SETD4: variants seen among roughly 807,000 people sequenced by gnomAD.
SETD4 encodes SET domain containing 4.
SETD4 carries 46 observed loss-of-function variants against 58.3 expected under a neutral mutation model. The observed-to-expected ratio is 0.79, with a 90% confidence interval of 0.62 to 1.01. The LOEUF (loss-of-function observed/expected upper bound fraction) is 1.01, where lower values mean the gene tolerates loss of function less well. SETD4 is among the 50% of genes least tolerant of loss of function. The pLI is 0.00. For missense variants in SETD4, 490 were observed against 523.3 expected (o/e 0.94, Z 0.62); for synonymous variants, 190 against 202.6 (o/e 0.94, Z 0.53).
rs751127123 is a variant in SETD4, at chr21:36,045,698, C to T, written c.610G>A (p.Val204Ile). The T allele has an allele frequency of 6.8e-6, 11 of 1,614,052 alleles. No homozygotes were observed. The highest frequency in any genetic ancestry group is 5.0e-5 in the Admixed American group (3 of 60,004). Residue 204 changes from valine to isoleucine, a missense_variant, in exon 6 of 12, where the codon GTC becomes ATC. Transcript: ENST00000332131. The stretch of plus-strand genomic sequence containing the variant: ...CTCAGGTACACGGCTCTGGTGTTGA[C>T]GGTGCACCAAGCCCACAGCAGGGCA... ...YSALLWAWCT[V>I]NTRAVYLRPR...
Position 36,034,939 on chromosome 21 carries a change from G to C in SETD4, c.*1054C>G, listed in dbSNP as rs1273146794. ...CAAAGTGTATATACAAACAGGGAAAGATGTTCAAGAAATCATGAGAAAGTT... is the reference window on the plus strand; with the variant it reads ...CAAAGTGTATATACAAACAGGGAAACATGTTCAAGAAATCATGAGAAAGTT... On this transcript the variant is annotated 3_prime_UTR_variant, in exon 12 of 12. Transcript: ENST00000332131. 1 of 152,226 alleles carries C rather than the reference G, an allele frequency of 6.6e-6. No homozygotes were observed. Among genetic ancestry groups the C allele is most frequent in the East Asian group, 1.9e-4 (1 of 5,196 alleles). The allele number at this position is 152,226 out of a possible 1,614,324, so 9.4% of individuals were successfully genotyped here.
Position 36,060,358 on chromosome 21 carries a change from C to T in SETD4, c.-48G>A, listed in dbSNP as rs768109198. The T allele has an allele frequency of 1.9e-5, 3 of 159,526 alleles. No individual in the cohort carries two copies. The highest frequency in any genetic ancestry group is 2.7e-5 in the Non-Finnish European group (2 of 74,770). 9.9% of individuals were successfully genotyped at this position (159,526 alleles called of 1,614,324 possible). A position where few individuals can be genotyped will look rare whatever the true frequency, so the allele number is the denominator to read the frequency against. ...TCCTACTAGCTCACCTAGGCGCCGGCGGCCGCTTCCAAGATGGAGGCTGCA... is the reference window on the plus strand; with the variant it reads ...TCCTACTAGCTCACCTAGGCGCCGGTGGCCGCTTCCAAGATGGAGGCTGCA... On this transcript the variant is annotated 5_prime_UTR_variant, in exon 1 of 12. Coordinates refer to ENST00000332131, the MANE Select transcript of SETD4 (RefSeq NM_017438.5).
At chr21:36,057,253 G>T (rs371909551) in intron 2 of SETD4, 49 bp from the exon 3 acceptor site, 1 of 1,332,390 alleles carries the variant, frequency 7.5e-7, no homozygotes, top group Non-Finnish European at 1.1e-6. Context: ...CTATATAATC[G>T]GATTACCATT....
At chr21:36,052,737 T>G (rs1395216940) in intron 4 of SETD4, among the ~76,000 whole-genome samples, 5 of 152,198 alleles carry the variant, frequency 3.3e-5, no homozygotes, top group Admixed American at 6.5e-5. Flanking sequence ...CTAGAGATCT[T>G]TAAAATAGCA....
chr21:36,046,085 G>A, intron 5 of SETD4, 74 bp from the exon 6 acceptor site: 1 of 1,495,928 alleles, frequency 6.7e-7, no homozygotes, highest in Non-Finnish European at 9.0e-7. Flanking sequence ...AGTTTGTTTT[G>A]CTGCCAGAAG....
At chr21:36,048,980 C>T (rs1037510660) in intron 4 of SETD4, among the ~76,000 whole-genome samples, 14 of 152,014 alleles carry the variant, frequency 9.2e-5, no homozygotes, top group African/African-American at 3.1e-4. Context: ...ACAGAAACTA[C>T]CCCCAAAAAA....
intron 8 of SETD4, among the ~76,000 whole-genome samples, chr21:36,041,519 C>T (rs189035524): frequency 2.8e-3 from 433 of 152,320 alleles, no homozygotes; most frequent in African/African-American, 9.1e-3. Flanking sequence ...GGGAGACAGA[C>T]TCACCCTGGG....
intron 4 of SETD4, among the ~76,000 whole-genome samples, chr21:36,052,067 G>GT (rs138556728): frequency 0.13 from 20,262 of 151,680 alleles, 1,431 homozygotes; most frequent in Middle Eastern, 0.25. Context: ...TTAACACGGC[G>GT]TAATAGAATT....
At chr21:36,048,071 GGGAA>G (rs1468793921) in intron 5 of SETD4, among the ~76,000 whole-genome samples, 1 of 136,638 alleles carries the variant, frequency 7.3e-6, no homozygotes, top group East Asian at 2.5e-4. Context: ...GAGGGAGGGA[GGGAA>G]GGAGGGAAGG....
chr21:36,041,909 C>G, intron 7 of SETD4, 21 bp from the exon 8 acceptor site: 2 of 948,838 alleles, frequency 2.1e-6, no homozygotes, highest in Non-Finnish European at 3.0e-6. Context: ...AAAAAAAAAT[C>G]AGACTGTTAG....
intron 3 of SETD4, 144 bp downstream of exon 3, chr21:36,056,964 AG>A: frequency 1.5e-6 from 1 of 677,032 alleles, no homozygotes; most frequent in Non-Finnish European, 2.7e-6. Flanking sequence ...GGCCATACAC[AG>A]GGGACTCCTC....
chr21:36,055,850 C>A (rs543383832), intron 3 of SETD4, among the ~76,000 whole-genome samples: 13 of 152,270 alleles, frequency 8.5e-5, no homozygotes, highest in African/African-American at 3.1e-4. Context: ...TCTGCTGATT[C>A]CTGCTTGATG....
At chr21:36,038,493 G>A (rs962360043) in intron 9 of SETD4, among the ~76,000 whole-genome samples, 2 of 152,144 alleles carry the variant, frequency 1.3e-5, no homozygotes, top group African/African-American at 2.4e-5. Flanking sequence ...ATAAAAGCAC[G>A]GGGGGTGGGT....
intron 3 of SETD4, among the ~76,000 whole-genome samples, chr21:36,054,363 G>T (rs919053672): frequency 2.0e-5 from 3 of 152,234 alleles, no homozygotes; most frequent in African/African-American, 7.2e-5. Flanking sequence ...ACATTGAAAG[G>T]ATGCTCAGAT....
chr21:36,041,465 T>G (rs544446072), intron 8 of SETD4, among the ~76,000 whole-genome samples: 94 of 152,336 alleles, frequency 6.2e-4, no homozygotes, highest in Admixed American at 2.5e-3. Context: ...GCCAGGTGCG[T>G]GGGCTCTCCT....
intron 2 of SETD4, among the ~76,000 whole-genome samples, chr21:36,058,423 G>A (rs1480973328): frequency 6.6e-6 from 1 of 150,904 alleles, no homozygotes; most frequent in South Asian, 2.1e-4. Context: ...GAGGCTAAGG[G>A]AGGAGATCAC....
intron 8 of SETD4, among the ~76,000 whole-genome samples, chr21:36,041,489 G>A (rs562349527): frequency 6.6e-6 from 1 of 152,206 alleles, no homozygotes; most frequent in African/African-American, 2.4e-5. Flanking sequence ...GCCCAGCCTG[G>A]CCTTTCCACA....
intron 6 of SETD4, among the ~76,000 whole-genome samples, chr21:36,044,272 A>G (rs1384838909): frequency 2.0e-5 from 3 of 152,248 alleles, no homozygotes; most frequent in Admixed American, 2.0e-4. Flanking sequence ...TGGTGCCAAT[A>G]AACTTTATCT....
chr21:36,041,382 C>G (rs958462420), intron 8 of SETD4, among the ~76,000 whole-genome samples: 13 of 152,024 alleles, frequency 8.6e-5, no homozygotes, highest in African/African-American at 2.9e-4. Flanking sequence ...AAAGGGAGAG[C>G]CTTGAACCCT....
Sources: gnomAD v4.1 joint callset for allele counts (sites outside exome capture counted in the v4.1 genomes callset) on GRCh38, gnomAD v4.1.1 for gene constraint, MANE v1.5 for transcripts, NCBI Gene and HGNC (gene_info 2026-07-23, HGNC 2026-07-21) for gene names.